Variants in RGS8 observed in about 807,000 individuals in gnomAD.
RGS8 encodes the protein regulator of G-protein signaling 8.
A neutral mutation model predicts 21.7 loss-of-function variants in RGS8; 8 were observed. The observed-to-expected ratio is 0.37, with a 90% confidence interval of 0.22 to 0.66. The LOEUF is 0.66. Among genes scored for constraint, RGS8 ranks in the 30% least tolerant of loss-of-function variants. The probability of loss-of-function intolerance (pLI) is 0.59; values close to 1 mark genes in which losing one functional copy is unlikely to be tolerated. For synonymous variants in RGS8, 80 were observed against 83.6 expected (o/e 0.96, Z 0.24); for missense variants, 157 against 217.9 (o/e 0.72, Z 1.76).
At chr1:182,683,345 A>G (rs1376652696) in intron 1 of RGS8, among the ~76,000 whole-genome samples, 2 of 152,290 alleles carry the variant, frequency 1.3e-5, no homozygotes, top group African/African-American at 4.8e-5. Context: ...AACTACTATG[A>G]TCTCATGAAT....
the RGS8 span, among the ~76,000 whole-genome samples, chr1:182,723,221 C>G: frequency 2.6e-5 from 4 of 152,174 alleles, no homozygotes; most frequent in South Asian, 8.3e-4. Flanking sequence ...ATCACAATTT[C>G]TGAGGAATCC....
the RGS8 span, among the ~76,000 whole-genome samples, chr1:182,742,185 G>A: frequency 2.0e-5 from 3 of 150,952 alleles, no homozygotes; most frequent in Non-Finnish European, 4.4e-5. Flanking sequence ...TGTGATGGCG[G>A]CCGGGAAGAG....
chr1:182,716,450 A>G, the RGS8 span, among the ~76,000 whole-genome samples: 72,741 of 151,252 alleles, frequency 0.48, 18,355 homozygotes, highest in African/African-American at 0.65. Flanking sequence ...TATTATTTTC[A>G]TTATTGTATT....
At chr1:182,747,487 A>C in the RGS8 span, among the ~76,000 whole-genome samples, 1 of 152,122 alleles carries the variant, frequency 6.6e-6, no homozygotes, top group Non-Finnish European at 1.5e-5. Context: ...CAGAGACACT[A>C]TCTTAATGGG....
chr1:182,702,967 G>T, the RGS8 span, among the ~76,000 whole-genome samples: 1 of 152,202 alleles, frequency 6.6e-6, no homozygotes, highest in Middle Eastern at 3.2e-3. Context: ...CAATGATAAA[G>T]GGGCAGAAAA....
At chr1:182,740,555 T>G in the RGS8 span, among the ~76,000 whole-genome samples, 552 of 140,836 alleles carry the variant, frequency 3.9e-3, 4 homozygotes, top group African/African-American at 0.014. Context: ...TTTGTTTTTT[T>G]TTTTTTTTTT....
intron 2 of RGS8, 46 bp downstream of exon 3, chr1:182,671,611 C>T: frequency 6.5e-7 from 1 of 1,544,722 alleles, no homozygotes; most frequent in Non-Finnish European, 8.9e-7. Flanking sequence ...AATCGGTGCA[C>T]ACAGACACCC....
At chr1:182,655,331 C>T (rs113793445) in intron 5 of RGS8, among the ~76,000 whole-genome samples, 4 of 152,322 alleles carry the variant, frequency 2.6e-5, no homozygotes, top group African/African-American at 9.6e-5. Context: ...AGTGACACCA[C>T]AGATGGTGAC....
At chr1:182,695,001 A>G in the RGS8 span, among the ~76,000 whole-genome samples, 1 of 152,130 alleles carries the variant, frequency 6.6e-6, no homozygotes, top group African/African-American at 2.4e-5. Context: ...ACTACAGTGC[A>G]TTGGGTTGTT....
At chr1:182,669,824 G>T (rs1334497251) in intron 2 of RGS8, 72 bp from the exon 4 acceptor site, 1 of 1,437,174 alleles carries the variant, frequency 7.0e-7, no homozygotes, top group Non-Finnish European at 9.2e-7. Flanking sequence ...CCTCTCAGAC[G>T]GGTTTCCGCC....
chr1:182,670,622 T>A (rs1444725841), intron 2 of RGS8, among the ~76,000 whole-genome samples: 1 of 152,352 alleles, frequency 6.6e-6, no homozygotes, highest in South Asian at 2.1e-4. Context: ...AAAAGGAACC[T>A]AATTTAGATA....
chr1:182,693,808 T>C, the RGS8 span, among the ~76,000 whole-genome samples: 1 of 152,228 alleles, frequency 6.6e-6, no homozygotes, highest in Non-Finnish European at 1.5e-5. Context: ...AATGAGATCA[T>C]GGCCTCTGCA....
the RGS8 span, among the ~76,000 whole-genome samples, chr1:182,747,311 C>T: frequency 1.3e-4 from 20 of 151,824 alleles, no homozygotes; most frequent in Admixed American, 6.6e-5. Flanking sequence ...TAATACTAAG[C>T]TTCTTTTATC....
intron 1 of RGS8, among the ~76,000 whole-genome samples, chr1:182,679,849 T>G (rs1664485175): frequency 1.3e-5 from 2 of 152,046 alleles, no homozygotes; most frequent in Admixed American, 1.3e-4. Context: ...CACACACATA[T>G]AAACCTTGGC....
chr1:182,727,937 T>C, the RGS8 span, among the ~76,000 whole-genome samples: 1 of 152,186 alleles, frequency 6.6e-6, no homozygotes, highest in Non-Finnish European at 1.5e-5. Flanking sequence ...TTTAACTGAA[T>C]AAAACACACA....
intron 2 of RGS8, among the ~76,000 whole-genome samples, chr1:182,670,398 C>A (rs549026253): frequency 3.4e-4 from 52 of 152,266 alleles, no homozygotes; most frequent in African/African-American, 1.2e-3. Flanking sequence ...ATTCTTGACG[C>A]GAAGCAGGAA....
At chr1:182,660,299 C>T (rs1364929483) in intron 5 of RGS8, among the ~76,000 whole-genome samples, 1 of 152,100 alleles carries the variant, frequency 6.6e-6, no homozygotes, top group Non-Finnish European at 1.5e-5. Context: ...TGGTAAGTGA[C>T]AGAAGGGGTT....
chr1:182,651,434 T>C (rs536821556), intron 5 of RGS8, among the ~76,000 whole-genome samples: 1 of 152,338 alleles, frequency 6.6e-6, no homozygotes, highest in African/African-American at 2.4e-5. Context: ...ACAGACATTG[T>C]GTTAGATTAT....
chr1:182,702,599 C>T, the RGS8 span, among the ~76,000 whole-genome samples: 30 of 152,196 alleles, frequency 2.0e-4, 1 homozygote, highest in South Asian at 2.1e-4. Context: ...AGGGATCAGT[C>T]GGTTAAATAA....
Sources: allele counts gnomAD v4.1 joint callset (sites outside exome capture counted in the v4.1 genomes callset), GRCh38; gene constraint gnomAD v4.1.1; transcripts MANE v1.5; gene names NCBI Gene and HGNC (gene_info 2026-07-23, HGNC 2026-07-21).